Variants in PKN2 observed in about 807,000 individuals in gnomAD.
PKN2 encodes serine/threonine-protein kinase N2.
PKN2 carries 38 observed loss-of-function variants against 119.1 expected under a neutral mutation model. The observed-to-expected ratio is 0.32, with a 90% CI of 0.25 to 0.42. The LOEUF (loss-of-function observed/expected upper bound fraction) is 0.42. PKN2 is among the 10% of genes least tolerant of loss of function. The pLI, the probability that PKN2 is intolerant of heterozygous loss-of-function variation, is 1.00. For missense variants in PKN2, 850 were observed against 1,165.1 expected (o/e 0.73, Z 3.94); for synonymous variants, 390 against 384.9 (o/e 1.01, Z -0.15).
intron 1 of PKN2, among the ~76,000 whole-genome samples, chr1:88,699,004 G>A (rs1352931122): frequency 2.0e-5 from 3 of 151,922 alleles, no homozygotes; most frequent in Non-Finnish European, 4.4e-5. Context: ...TCCCTTGCAC[G>A]GACTTTATTT....
At chr1:88,832,491 G>T (rs1326816120) in intron 19 of PKN2, among the ~76,000 whole-genome samples, 4 of 151,892 alleles carry the variant, frequency 2.6e-5, no homozygotes, top group Non-Finnish European at 5.9e-5. Flanking sequence ...TTTTATAAGG[G>T]TCTATAAAAT....
intron 2 of PKN2, among the ~76,000 whole-genome samples, chr1:88,751,853 T>A (rs1669012848): frequency 6.6e-6 from 1 of 151,738 alleles, no homozygotes; most frequent in African/African-American, 2.4e-5. Flanking sequence ...TGACATCTAT[T>A]TTCTTTCAGC....
chr1:88,784,299 A>G (rs1252286855), intron 6 of PKN2, among the ~76,000 whole-genome samples: 1 of 151,414 alleles, frequency 6.6e-6, no homozygotes, highest in Non-Finnish European at 1.5e-5. Context: ...AATTTTTTGT[A>G]TTTTTAGTAT....
chr1:88,697,687 G>A (rs1011923244), intron 1 of PKN2, among the ~76,000 whole-genome samples: 2 of 152,116 alleles, frequency 1.3e-5, no homozygotes, highest in African/African-American at 4.8e-5. Flanking sequence ...AGCTGTCATT[G>A]TTGTAGCCCC....
intron 17 of PKN2, among the ~76,000 whole-genome samples, chr1:88,822,770 A>C (rs1570685777): frequency 1.3e-5 from 2 of 151,792 alleles, no homozygotes; most frequent in South Asian, 4.2e-4. Flanking sequence ...GTATAGATGG[A>C]GTTTCACCAT....
chr1:88,824,885 C>T (rs1410015345), intron 18 of PKN2, among the ~76,000 whole-genome samples: 1 of 152,198 alleles, frequency 6.6e-6, no homozygotes, highest in Non-Finnish European at 1.5e-5. Context: ...AGGCACTAAA[C>T]AGTTCTAGGT....
intron 7 of PKN2, among the ~76,000 whole-genome samples, chr1:88,785,782 GAT>G (rs2100831002): frequency 6.6e-6 from 1 of 152,220 alleles, no homozygotes; most frequent in African/African-American, 2.4e-5. Flanking sequence ...ATAAATATAA[GAT>G]ATAGAAAGAA....
intron 1 of PKN2, among the ~76,000 whole-genome samples, chr1:88,733,971 G>A (rs1668240761): frequency 6.6e-6 from 1 of 152,066 alleles, no homozygotes; most frequent in Admixed American, 6.5e-5. Flanking sequence ...ACCAGCCTGG[G>A]CAATGTAGCA....
At chr1:88,711,383 G>T (rs116677533) in intron 1 of PKN2, among the ~76,000 whole-genome samples, 1,854 of 152,192 alleles carry the variant, frequency 0.012, 31 homozygotes, top group African/African-American at 0.036. Context: ...AATCAGTCTG[G>T]ACAGTTTTGG....
chr1:88,724,165 C>T (rs1445655530), intron 1 of PKN2, among the ~76,000 whole-genome samples: 1 of 152,190 alleles, frequency 6.6e-6, no homozygotes, highest in African/African-American at 2.4e-5. Flanking sequence ...GAAAGCTCAA[C>T]TCACTTGCTT....
Position 88,784,828 on chromosome 1 carries a change from C to T in PKN2, c.1171+4C>T, listed in dbSNP as rs1430073690. 4 of 1,568,796 alleles carry T rather than the reference C, an allele frequency of 2.5e-6. No homozygotes were observed. The African/African-American group carries it at 5.5e-5, about 21-fold the overall frequency. On this transcript the variant is annotated splice_donor_region_variant and intron_variant, in intron 7 of 21. Transcript: ENST00000370521. ...CTAAAAACCGATGACTTGTCCAGTT[C>T]AGTAACCAGATTTTTAAAAATCATG... is the stretch of plus-strand genomic sequence containing the variant.
intron 1 of PKN2, among the ~76,000 whole-genome samples, chr1:88,710,415 A>G (rs1044960237): frequency 2.6e-5 from 4 of 152,168 alleles, no homozygotes; most frequent in Non-Finnish European, 4.4e-5. Context: ...ATTCTATGGT[A>G]TTTTTACATG....
intron 20 of PKN2, 66 bp downstream of exon 20, chr1:88,832,917 TTCCCAGTAGAACTTTA>T: frequency 8.2e-7 from 1 of 1,223,718 alleles, no homozygotes; most frequent in Non-Finnish European, 1.2e-6. Context: ...TAAAGAAAAT[TTCCCAGTAGAACTTTA>T]AAAGCTGTTT....
chr1:88,796,982 A>T (rs1322693476), intron 8 of PKN2, among the ~76,000 whole-genome samples: 3 of 151,516 alleles, frequency 2.0e-5, no homozygotes, highest in Non-Finnish European at 4.4e-5. Flanking sequence ...TCTAGTCAAT[A>T]CAGTGATTCC....
chr1:88,731,541 A>C (rs1668143317), intron 1 of PKN2, among the ~76,000 whole-genome samples: 1 of 152,226 alleles, frequency 6.6e-6, no homozygotes, highest in Non-Finnish European at 1.5e-5. Flanking sequence ...GGTCTCTGAC[A>C]GCTGGTTGCT....
intron 1 of PKN2, among the ~76,000 whole-genome samples, chr1:88,735,616 C>T (rs943153925): frequency 2.5e-5 from 2 of 79,504 alleles, no homozygotes; most frequent in South Asian, 1.2e-3. Flanking sequence ...CCCCCCCCCC[C>T]ACCCCCAATC....
At chr1:88,812,512 G>C (rs1671818449) in intron 15 of PKN2, among the ~76,000 whole-genome samples, 1 of 152,156 alleles carries the variant, frequency 6.6e-6, no homozygotes, top group African/African-American at 2.4e-5. Flanking sequence ...GGCCAAGGCA[G>C]GAGGATTGCT....
intron 2 of PKN2, among the ~76,000 whole-genome samples, chr1:88,756,468 A>G (rs1163978726): frequency 6.6e-6 from 1 of 152,146 alleles, no homozygotes; most frequent in Admixed American, 6.5e-5. Flanking sequence ...AAATATTTAA[A>G]TGTTTAGACA....
At chr1:88,750,176 G>A (rs367623749) in intron 2 of PKN2, among the ~76,000 whole-genome samples, 2 of 152,186 alleles carry the variant, frequency 1.3e-5, no homozygotes, top group African/African-American at 4.8e-5. Flanking sequence ...GGCCATCTAA[G>A]TTTGAACATG....
Sources: gnomAD v4.1 joint callset for allele counts (sites outside exome capture counted in the v4.1 genomes callset) on GRCh38, gnomAD v4.1.1 for gene constraint, MANE v1.5 for transcripts, NCBI Gene and HGNC (gene_info 2026-07-23, HGNC 2026-07-21) for gene names.